The following EXOC6 variants were observed in gnomAD, a reference collection of about 807,000 sequenced individuals.
EXOC6 encodes exocyst complex component 6.
EXOC6 carries 60 observed loss-of-function variants against 112.5 expected under a neutral mutation model. That is an observed-to-expected ratio of 0.53 (90% CI 0.43 to 0.66). The LOEUF is 0.66. Ranked by LOEUF, EXOC6 falls within the 30% of genes least tolerant of loss-of-function variation. The pLI is 0.00. For synonymous variants in EXOC6, 295 were observed against 308.0 expected, an observed-to-expected ratio of 0.96 and a Z score of 0.44; for missense variants, 855 against 957.1, an observed-to-expected ratio of 0.89 and a Z score of 1.41.
chr10:93,039,481 C>T (rs1845665438), intron 20 of EXOC6, among the ~76,000 whole-genome samples: 1 of 152,172 alleles, frequency 6.6e-6, no homozygotes, highest in African/African-American at 2.4e-5. Flanking sequence ...CTCTCCCCAG[C>T]AAGTGCCCTT....
At chr10:92,996,427 C>T (rs1590000393) in intron 18 of EXOC6, among the ~76,000 whole-genome samples, 2 of 152,082 alleles carry the variant, frequency 1.3e-5, no homozygotes, top group Non-Finnish European at 2.9e-5. Flanking sequence ...ACCATCCTGG[C>T]TAACATGGTG....
chr10:92,998,626 CACCACACA>C (rs1423404793), intron 19 of EXOC6, among the ~76,000 whole-genome samples: 1 of 78,018 alleles, frequency 1.3e-5, no homozygotes, highest in East Asian at 4.5e-4. Flanking sequence ...GTCTGTTGCA[CACCACACA>C]CACACACACA....
intron 18 of EXOC6, among the ~76,000 whole-genome samples, chr10:92,975,636 G>A (rs1440911584): frequency 1.6e-5 from 2 of 126,532 alleles, no homozygotes; most frequent in African/African-American, 3.1e-5. Context: ...CCCCCTGCCC[G>A]GCCAGCCACC....
At chr10:92,876,030 T>C (rs1166415863) in intron 1 of EXOC6, among the ~76,000 whole-genome samples, 1 of 152,136 alleles carries the variant, frequency 6.6e-6, no homozygotes, top group Non-Finnish European at 1.5e-5. Context: ...ATATCTGTAT[T>C]TGTGTGTTCA....
chr10:92,833,721 A>T (rs542174126), upstream of EXOC6, among the ~76,000 whole-genome samples: 79 of 152,382 alleles, frequency 5.2e-4, 1 homozygote, highest in South Asian at 3.1e-3. Flanking sequence ...CTTATGGAAG[A>T]ATGTCACTAC....
chr10:92,952,226 T>G, intron 14 of EXOC6, 47 bp from the exon 15 acceptor site: 1 of 1,209,006 alleles, frequency 8.3e-7, no homozygotes, highest in Non-Finnish European at 1.2e-6. Context: ...GATTAGCATG[T>G]CTTTTTCTAA....
chr10:92,942,978 T>G (rs979435933), intron 13 of EXOC6, among the ~76,000 whole-genome samples: 4 of 152,098 alleles, frequency 2.6e-5, no homozygotes, highest in Non-Finnish European at 5.9e-5. Flanking sequence ...CCAAATATAT[T>G]TTGACTTCTG....
chr10:93,046,317 G>T (rs1467440656), intron 20 of EXOC6, among the ~76,000 whole-genome samples: 1 of 152,180 alleles, frequency 6.6e-6, no homozygotes, highest in East Asian at 1.9e-4. Context: ...GACTAAAAAT[G>T]GAATTATTGA....
At chr10:92,996,195 G>A (rs555392365) in intron 18 of EXOC6, among the ~76,000 whole-genome samples, 1 of 152,182 alleles carries the variant, frequency 6.6e-6, no homozygotes, top group Admixed American at 6.5e-5. Flanking sequence ...TATTTCTGAT[G>A]ATATTCATAG....
In EXOC6 at chr10:92,977,676, G is replaced by C. The variant is rs188152750; in HGVS notation, c.1953+3444G>C. Among the ~76,000 whole-genome samples the C allele has an allele frequency of 3.2e-3, 486 of 150,710 alleles. 3 individuals are homozygous for C. The highest frequency in any genetic ancestry group is 6.7e-4 in the Non-Finnish European group (45 of 67,504). Reference sequence around the variant, plus strand: ...GAACAAACACATGTACGTGCTTGCAGACACACACACACACACATACACACA... The same window carrying C: ...GAACAAACACATGTACGTGCTTGCACACACACACACACACACATACACACA... On this transcript the variant is annotated intron_variant, in intron 18 of 21. Transcript: ENST00000260762.
intron 2 of EXOC6, 122 bp from the exon 3 acceptor site, chr10:92,894,672 T>C (rs978632439): frequency 5.5e-6 from 4 of 724,534 alleles, no homozygotes; most frequent in Non-Finnish European, 9.1e-6. Context: ...TAGAGTTAAT[T>C]TGAATTTGCA....
At chr10:92,906,011 T>G (rs1251686030) in intron 5 of EXOC6, among the ~76,000 whole-genome samples, 1 of 152,148 alleles carries the variant, frequency 6.6e-6, no homozygotes, top group Non-Finnish European at 1.5e-5. Context: ...TTCACATATT[T>G]TGATGCTCTG....
chr10:92,867,982 A>G (rs1848261680), intron 1 of EXOC6, among the ~76,000 whole-genome samples: 1 of 152,156 alleles, frequency 6.6e-6, no homozygotes, highest in Non-Finnish European at 1.5e-5. Context: ...TTTTTTGTCC[A>G]TTTCAGTTTT....
chr10:92,836,883 T>C (rs1315050722), intron 1 of EXOC6, among the ~76,000 whole-genome samples: 1 of 152,176 alleles, frequency 6.6e-6, no homozygotes, highest in African/African-American at 2.4e-5. Flanking sequence ...ATATGCCTCC[T>C]GGAGCTTAGG....
At chr10:92,992,487 T>G (rs1376692885) in intron 18 of EXOC6, among the ~76,000 whole-genome samples, 7 of 152,110 alleles carry the variant, frequency 4.6e-5, no homozygotes, top group Non-Finnish European at 1.0e-4. Context: ...CAGAAATTCT[T>G]GTGCATTTGT....
At chr10:92,856,161 G>T (rs1163690307) in intron 1 of EXOC6, among the ~76,000 whole-genome samples, 1 of 151,972 alleles carries the variant, frequency 6.6e-6, no homozygotes, top group Non-Finnish European at 1.5e-5. Context: ...ACTGCACCTG[G>T]CCTCTCTATT....
chr10:93,012,476 T>C (rs1020777971), intron 19 of EXOC6, among the ~76,000 whole-genome samples: 1 of 152,212 alleles, frequency 6.6e-6, no homozygotes, highest in Admixed American at 6.5e-5. Flanking sequence ...ATTTTAGAAT[T>C]TTGTAAAATA....
At chr10:93,004,459 A>AT (rs1303218746) in intron 19 of EXOC6, among the ~76,000 whole-genome samples, 1 of 152,208 alleles carries the variant, frequency 6.6e-6, no homozygotes, top group African/African-American at 2.4e-5. Context: ...ACTCAAGACC[A>AT]TTTAACTCCT....
chr10:93,050,541 C>T (rs889885556), intron 20 of EXOC6, among the ~76,000 whole-genome samples: 2 of 150,798 alleles, frequency 1.3e-5, no homozygotes, highest in Admixed American at 6.6e-5. Context: ...GGGTGGATCA[C>T]GAGGTCAGGA....
Sources: gnomAD v4.1 joint callset for allele counts (sites outside exome capture counted in the v4.1 genomes callset) on GRCh38, gnomAD v4.1.1 for gene constraint, MANE v1.5 for transcripts, NCBI Gene and HGNC (gene_info 2026-07-23, HGNC 2026-07-21) for gene names.